The following GRID1 variants were observed in gnomAD, a reference collection of about 807,000 sequenced individuals.
GRID1 encodes the protein glutamate receptor ionotropic, delta-1.
Under a neutral mutation model 98.0 loss-of-function variants are expected in GRID1, and 28 were observed. That is an observed-to-expected ratio of 0.29 (90% CI 0.21 to 0.39). GRID1 has a LOEUF of 0.39. Ranked by LOEUF, GRID1 falls within the 10% of genes least tolerant of loss-of-function variation. GRID1 has a pLI of 1.00. For synonymous variants in GRID1, 553 were observed against 538.5 expected (o/e 1.03, Z -0.37); for missense variants, 1,111 against 1,340.5 (o/e 0.83, Z 2.67).
At chr10:86,334,303 G>A (rs1848194257) in intron 2 of GRID1, among the ~76,000 whole-genome samples, 1 of 152,098 alleles carries the variant, frequency 6.6e-6, no homozygotes, top group Admixed American at 6.5e-5. Flanking sequence ...GCTGCTGCTG[G>A]CTGTCTAGAT....
At chr10:85,767,891 A>G (rs1842212950) in intron 8 of GRID1, among the ~76,000 whole-genome samples, 1 of 152,220 alleles carries the variant, frequency 6.6e-6, no homozygotes, top group Non-Finnish European at 1.5e-5. Context: ...TGCCACAGCT[A>G]TAGTGACTAC....
At chr10:85,900,001 T>C (rs11814910) in intron 5 of GRID1, among the ~76,000 whole-genome samples, 33,260 of 152,158 alleles carry the variant, frequency 0.22, 5,418 homozygotes, top group African/African-American at 0.45. Context: ...TGCCTCAATG[T>C]ATGTAGCATC....
At chr10:85,823,066 A>G (rs1430612222) in intron 8 of GRID1, among the ~76,000 whole-genome samples, 1 of 152,226 alleles carries the variant, frequency 6.6e-6, no homozygotes, top group Non-Finnish European at 1.5e-5. Context: ...TAGGGATAGC[A>G]TTAGGAGATA....
intron 8 of GRID1, among the ~76,000 whole-genome samples, chr10:85,848,031 T>C: frequency 6.6e-6 from 1 of 152,142 alleles, no homozygotes; most frequent in Non-Finnish European, 1.5e-5. Context: ...AAATGACCAA[T>C]AATTATACTT....
intron 12 of GRID1, among the ~76,000 whole-genome samples, chr10:85,683,868 A>G (rs1590188819): frequency 6.6e-6 from 1 of 152,346 alleles, no homozygotes; most frequent in East Asian, 1.9e-4. Flanking sequence ...TTTCCCTGTG[A>G]TAAAGAGTGT....
At chr10:86,362,526 C>G (rs1353166743) in intron 2 of GRID1, among the ~76,000 whole-genome samples, 3 of 152,190 alleles carry the variant, frequency 2.0e-5, no homozygotes, top group Non-Finnish European at 2.9e-5. Flanking sequence ...CTCACCCCCC[C>G]TAAAAGAAAA....
At chr10:85,917,752 C>G (rs1277980419) in intron 4 of GRID1, among the ~76,000 whole-genome samples, 2 of 152,228 alleles carry the variant, frequency 1.3e-5, no homozygotes, top group Non-Finnish European at 2.9e-5. Flanking sequence ...GCAAGGGATG[C>G]TAAGCCATGT....
At chr10:86,156,392 C>T (rs1372052644) in intron 3 of GRID1, among the ~76,000 whole-genome samples, 1 of 152,182 alleles carries the variant, frequency 6.6e-6, no homozygotes, top group Non-Finnish European at 1.5e-5. Flanking sequence ...AGAGCCCTTC[C>T]CTGATTTTTT....
At chr10:86,043,242 G>A (rs7077967) in intron 4 of GRID1, among the ~76,000 whole-genome samples, 12,182 of 152,182 alleles carry the variant, frequency 0.08, 580 homozygotes, top group East Asian at 0.15. Context: ...ACTTTCTCCC[G>A]GAACTCTCCT....
intron 2 of GRID1, among the ~76,000 whole-genome samples, chr10:86,352,694 C>T (rs1301642421): frequency 6.6e-6 from 1 of 152,178 alleles, no homozygotes; most frequent in Non-Finnish European, 1.5e-5. Flanking sequence ...GCTTTGACAT[C>T]ATATTAGGGA....
chr10:85,730,367 A>C (rs1246808604), intron 8 of GRID1, among the ~76,000 whole-genome samples: 1 of 152,202 alleles, frequency 6.6e-6, no homozygotes, highest in East Asian at 1.9e-4. Context: ...TGCAGGGTCT[A>C]TACAACGACA....
intron 8 of GRID1, among the ~76,000 whole-genome samples, chr10:85,832,680 G>A (rs533633068): frequency 1.3e-4 from 20 of 152,122 alleles, no homozygotes; most frequent in Non-Finnish European, 2.5e-4. Context: ...GGAACTCAGC[G>A]CTAGAGGAAA....
rs1254289264 is a variant in GRID1, at chr10:86,366,438, G to C, written c.-46C>G. The C allele has an allele frequency of 7.3e-7, 1 of 1,378,330 alleles. No individual in the cohort carries two copies. Among genetic ancestry groups the C allele is most frequent in the Non-Finnish European group, 9.7e-7 (1 of 1,030,726 alleles). The allele number at this position is 1,378,330 out of a possible 1,614,324, so 85.4% of individuals were successfully genotyped here. On this transcript the variant is annotated 5_prime_UTR_variant, in exon 1 of 16. Transcript: ENST00000327946. The surrounding 1 kb of genome is among the most constrained non-coding windows in gnomAD (Gnocchi z 4.1). The stretch of plus-strand genomic sequence containing the variant: ...ATCCACCCGGGCCCGGGGCGAGGCC[G>C]AGGGCAGCGCGAAGCGGGGAGGCGC...
At chr10:85,791,552 AG>A (rs1842479568) in intron 8 of GRID1, among the ~76,000 whole-genome samples, 1 of 152,150 alleles carries the variant, frequency 6.6e-6, no homozygotes, top group African/African-American at 2.4e-5. Flanking sequence ...CTCTCTTTGA[AG>A]GTGAATGATA....
chr10:86,261,713 G>A (rs1847017971), intron 2 of GRID1, among the ~76,000 whole-genome samples: 1 of 152,160 alleles, frequency 6.6e-6, no homozygotes, highest in African/African-American at 2.4e-5. Context: ...GATCCTGCTG[G>A]ATGCAGCAAA....
intron 4 of GRID1, among the ~76,000 whole-genome samples, chr10:86,127,209 T>C (rs1477624693): frequency 1.3e-5 from 2 of 152,030 alleles, no homozygotes; most frequent in Non-Finnish European, 2.9e-5. Flanking sequence ...TCTAGTGTAG[T>C]CTGGCGGTGC....
At chr10:86,357,862 C>T (rs957671815) in intron 2 of GRID1, among the ~76,000 whole-genome samples, 42 of 152,146 alleles carry the variant, frequency 2.8e-4, no homozygotes, top group African/African-American at 9.9e-4. Context: ...CCAGGAACAG[C>T]AGCTCTCTGT....
At chr10:85,737,048 C>T (rs1046244027) in intron 8 of GRID1, among the ~76,000 whole-genome samples, 1 of 152,080 alleles carries the variant, frequency 6.6e-6, no homozygotes, top group Non-Finnish European at 1.5e-5. Flanking sequence ...TTAATACACC[C>T]ACTGAGGAAG....
chr10:85,778,166 A>T (rs1339453980), intron 8 of GRID1, among the ~76,000 whole-genome samples: 1 of 152,156 alleles, frequency 6.6e-6, no homozygotes, highest in Non-Finnish European at 1.5e-5. Context: ...GAGCATTGGC[A>T]CTGGCCCTGG....
Sources: allele counts gnomAD v4.1 joint callset (sites outside exome capture counted in the v4.1 genomes callset), GRCh38; gene constraint gnomAD v4.1.1; non-coding constraint Gnocchi (gnomAD v3.1); transcripts MANE v1.5; gene names NCBI Gene and HGNC (gene_info 2026-07-23, HGNC 2026-07-21).